Variants in ZNF827 observed in about 807,000 individuals in gnomAD.
The protein encoded by ZNF827 is zinc finger protein 827.
In ZNF827, 13 loss-of-function variants were observed where a neutral mutation model predicts 102.4. The ratio of observed to expected loss-of-function variants is 0.13; its 90% CI spans 0.08 to 0.20. The LOEUF is 0.20. Among genes scored for constraint, ZNF827 ranks in the 10% least tolerant of loss-of-function variants. The pLI, the probability that ZNF827 is intolerant of heterozygous loss-of-function variation, is 1.00. For synonymous variants in ZNF827, 523 were observed against 536.2 expected (o/e 0.98, Z 0.34); for missense variants, 1,103 against 1,344.4 (o/e 0.82, Z 2.81).
chr4:145,844,047 A>AT (rs1286275084), intron 7 of ZNF827, among the ~76,000 whole-genome samples: 1 of 152,102 alleles, frequency 6.6e-6, no homozygotes, highest in Non-Finnish European at 1.5e-5. Context: ...ATTAAAATGA[A>AT]TATTTTTTTA....
chr4:145,770,299 AAAAT>A (rs150231954), intron 11 of ZNF827, among the ~76,000 whole-genome samples: 24,380 of 86,906 alleles, frequency 0.28, 2,469 homozygotes, highest in East Asian at 0.5. Context: ...ACCCTGTCTT[AAAAT>A]AAATAAATAA....
intron 8 of ZNF827, among the ~76,000 whole-genome samples, chr4:145,807,800 CA>C (rs199536341): frequency 1.4e-3 from 189 of 136,556 alleles, no homozygotes; most frequent in East Asian, 6.6e-3. Context: ...AAAACAAAAA[CA>C]AAAAAAAAAC....
chr4:145,847,263 C>T (rs1037853229), intron 6 of ZNF827, among the ~76,000 whole-genome samples: 11 of 152,212 alleles, frequency 7.2e-5, no homozygotes, highest in African/African-American at 2.2e-4. Flanking sequence ...TAAATATATA[C>T]GTACACATAC....
At chr4:145,837,143 T>A (rs1744927641) in intron 7 of ZNF827, among the ~76,000 whole-genome samples, 1 of 152,168 alleles carries the variant, frequency 6.6e-6, no homozygotes, top group Non-Finnish European at 1.5e-5. Flanking sequence ...CTCAATACAG[T>A]CTGATAACAG....
intron 8 of ZNF827, among the ~76,000 whole-genome samples, chr4:145,804,164 A>T (rs1037859484): frequency 6.6e-6 from 1 of 152,196 alleles, no homozygotes; most frequent in Non-Finnish European, 1.5e-5. Context: ...CAGAAGTGAA[A>T]ATTGATGTAA....
At chr4:145,878,675 AAGGAAGGGAGAGAGAGGAAGGG>A (rs796144580) in intron 4 of ZNF827, among the ~76,000 whole-genome samples, 4 of 101,784 alleles carry the variant, frequency 3.9e-5, no homozygotes, top group African/African-American at 7.1e-5. Flanking sequence ...GAGAGAAAGG[AAGGAAGGGAGAGAGAGGAAGGG>A]AGGAAGGGAG....
Position 145,758,723 on chromosome 4 carries a change from C to G in ZNF827, c.*2893G>C, listed in dbSNP as rs750690074. 2 of 152,232 alleles carry G rather than the reference C, an allele frequency of 1.3e-5. No individual in the cohort carries two copies. Among genetic ancestry groups the G allele is most frequent in the Non-Finnish European group, 1.5e-5 (1 of 68,072 alleles). 9.4% of individuals were successfully genotyped at this position (152,232 alleles called of 1,614,324 possible). A position where few individuals can be genotyped will look rare whatever the true frequency, so the allele number is the denominator to read the frequency against. On this transcript the variant is annotated 3_prime_UTR_variant, in exon 15 of 15. Coordinates refer to ENST00000508784, the MANE Select transcript of ZNF827 (RefSeq NM_001306215.2). Reference sequence around the variant, plus strand: ...ACATCGTTTCAAACCTGGCCAAGAGCAAAGGTCTCTGCTGGAGAATGACTG... The same window carrying G: ...ACATCGTTTCAAACCTGGCCAAGAGGAAAGGTCTCTGCTGGAGAATGACTG...
Position 145,859,867 on chromosome 4 carries a change from G to A in ZNF827, c.1982-10306C>T, listed in dbSNP as rs116271551. Among the ~76,000 whole-genome samples the A allele has an allele frequency of 2.9e-3, 446 of 152,236 alleles. 1 individual carries two copies. The highest frequency in any genetic ancestry group is 9.8e-3 in the African/African-American group (409 of 41,524). On this transcript the variant is annotated intron_variant, in intron 5 of 14. Transcript: ENST00000508784. ...TCCAGGAGAGCTGAACGTCAGGCAG[G>A]AACAGCTTTCTAGTATGAACAATGC...
At chr4:145,911,144 A>T (rs928704448) in intron 1 of ZNF827, among the ~76,000 whole-genome samples, 4 of 152,240 alleles carry the variant, frequency 2.6e-5, no homozygotes, top group Admixed American at 1.3e-4. Flanking sequence ...ACAGGGAAAA[A>T]GCCTGTTTTG....
chr4:145,863,744 G>C (rs1208820287), intron 5 of ZNF827, among the ~76,000 whole-genome samples: 1 of 152,110 alleles, frequency 6.6e-6, no homozygotes, highest in Non-Finnish European at 1.5e-5. Context: ...GGTGGGGATA[G>C]AGAGTGACTG....
rs756001709 is a variant in ZNF827, at chr4:145,764,992, G to T, written c.3226C>A (p.Leu1076Ile). Residue 1076 changes from leucine to isoleucine, a missense_variant, in exon 13 of 15, where the codon CTC becomes ATC. By Grantham distance (5) the Leu-to-Ile change is conservative (BLOSUM62 2). This residue lies in a region of ZNF827 where 242 missense variants were observed against 361.9 expected (regional missense o/e 0.67). Transcript: ENST00000508784. ...TTCTGTACTTGCTTTCCTTACTTGA[G>T]CCCACCGGTGGGGACAGTGTGGCAT... ...KKCHTVPTGG[L>I]NSGQW 1 of 1,612,402 alleles carries T rather than the reference G, an allele frequency of 6.2e-7. No individual in the cohort carries two copies. The highest frequency in any genetic ancestry group is 1.1e-5 in the South Asian group (1 of 90,780).
chr4:145,835,606 C>T (rs891269847), intron 7 of ZNF827, among the ~76,000 whole-genome samples: 1 of 150,012 alleles, frequency 6.7e-6, no homozygotes. Flanking sequence ...GCCTCCTTTG[C>T]GTCCTCCTCT....
At chr4:145,786,194 C>T (rs148196995) in intron 8 of ZNF827, among the ~76,000 whole-genome samples, 13 of 152,286 alleles carry the variant, frequency 8.5e-5, no homozygotes, top group African/African-American at 2.6e-4. Flanking sequence ...TGTTTCCTTT[C>T]AATTTTAACA....
chr4:145,885,371 T>C (rs1004284245), intron 4 of ZNF827, among the ~76,000 whole-genome samples: 1 of 152,056 alleles, frequency 6.6e-6, no homozygotes, highest in African/African-American at 2.4e-5. Flanking sequence ...AAGCCTGGCT[T>C]ACCATGTGAC....
chr4:145,776,289 T>C (rs928420623), intron 9 of ZNF827, among the ~76,000 whole-genome samples: 1 of 151,888 alleles, frequency 6.6e-6, no homozygotes, highest in Non-Finnish European at 1.5e-5. Flanking sequence ...AGACTCCATC[T>C]CTACAAAAAA....
intron 8 of ZNF827, among the ~76,000 whole-genome samples, chr4:145,810,123 T>C (rs140928258): frequency 1.2e-4 from 19 of 152,292 alleles, no homozygotes; most frequent in African/African-American, 4.1e-4. Context: ...CATTTCTAGA[T>C]TTATTCTTTC....
intron 8 of ZNF827, among the ~76,000 whole-genome samples, chr4:145,812,345 A>AGAAG (rs1416794616): frequency 6.6e-6 from 1 of 152,062 alleles, no homozygotes; most frequent in Non-Finnish European, 1.5e-5. Context: ...TCTCACATCA[A>AGAAG]ACCATCTAAA....
chr4:145,902,906 G>T lies in ZNF827; in HGVS notation c.353C>A (p.Pro118His), dbSNP rs1434700112. ...LCDDDPGSNK[P>H]LSSNLRRLLE... ...CAGCCGCCTCAAATTGCTGCTCAGG[G>T]GCTTGTTGGAGCCTGGGTCATCGTC... Residue 118 changes from proline to histidine, a missense_variant, in exon 2 of 15, where the codon CCC becomes CAC. Coordinates refer to ENST00000508784, the MANE Select transcript of ZNF827 (RefSeq NM_001306215.2). This position sits in a 1 kb window ranked among gnomAD's most constrained non-coding sequence, Gnocchi z 4.3. 1.2e-6 allele frequency: 2 copies of T among 1,614,024 alleles called. No homozygotes were observed. The highest frequency in any genetic ancestry group is 2.7e-5 in the African/African-American group (2 of 74,890).
chr4:145,771,964 T>C (rs933284927), intron 11 of ZNF827, among the ~76,000 whole-genome samples: 2 of 152,210 alleles, frequency 1.3e-5, no homozygotes, highest in Non-Finnish European at 2.9e-5. Flanking sequence ...AGGGAACAGA[T>C]GGAGGTCCAG....
Sources: gnomAD v4.1 joint callset for allele counts (sites outside exome capture counted in the v4.1 genomes callset) on GRCh38, gnomAD v4.1.1 for gene constraint, gnomAD v4.1.1 regional missense constraint, Gnocchi (gnomAD v3.1) non-coding constraint, MANE v1.5 for transcripts, NCBI Gene and HGNC (gene_info 2026-07-23, HGNC 2026-07-21) for gene names.